Variants in CCNY observed in about 807,000 individuals in gnomAD.
The protein encoded by CCNY is cyclin-Y.
In CCNY, 19 loss-of-function variants were observed where a neutral mutation model predicts 42.8. That is an observed-to-expected ratio of 0.44 (90% CI 0.31 to 0.65). The LOEUF (loss-of-function observed/expected upper bound fraction) is 0.65, where lower values mean the gene tolerates loss of function less well. Among genes scored for constraint, CCNY ranks in the 30% least tolerant of loss-of-function variants. The probability of loss-of-function intolerance (pLI) is 0.07; values close to 1 mark genes in which losing one functional copy is unlikely to be tolerated. For synonymous variants in CCNY, 165 were observed against 162.7 expected (o/e 1.01, Z -0.11); for missense variants, 370 against 437.3 (o/e 0.85, Z 1.37).
At chr10:35,399,407 C>T (rs1258745293) in intron 1 of CCNY, among the ~76,000 whole-genome samples, 1 of 152,122 alleles carries the variant, frequency 6.6e-6, no homozygotes, top group African/African-American at 2.4e-5. Context: ...TACTCCACCA[C>T]AGAATTTGGG....
intron 1 of CCNY, among the ~76,000 whole-genome samples, chr10:35,352,310 A>G (rs746088608): frequency 3.3e-5 from 5 of 152,234 alleles, no homozygotes; most frequent in Non-Finnish European, 5.9e-5. Context: ...TTAAGCTAAC[A>G]TTTGTAGCAA....
intron 1 of CCNY, among the ~76,000 whole-genome samples, chr10:35,432,120 AT>A (rs1277744493): frequency 6.6e-6 from 1 of 152,192 alleles, no homozygotes; most frequent in East Asian, 1.9e-4. Context: ...TTTTATTAGT[AT>A]AAGCTAACCC....
In CCNY at chr10:35,548,565, G is replaced by A. The variant is rs140298715; in HGVS notation, c.580-4454G>A. ...CCCACCTTGGCCTCCCGACGTGCTG[G>A]GATTACAGGCTTGAGCCACCGCACC... is the stretch of plus-strand genomic sequence containing the variant. On this transcript the variant is annotated intron_variant, in intron 7 of 9. Transcript: ENST00000374704. Among the ~76,000 whole-genome samples, 340 of 152,114 alleles carry A rather than the reference G, an allele frequency of 2.2e-3. 1 individual carries two copies. Among genetic ancestry groups the A allele is most frequent in the African/African-American group, 7.7e-3 (320 of 41,474 alleles).
chr10:35,496,154 T>C (rs1420803315), intron 2 of CCNY, among the ~76,000 whole-genome samples: 2 of 152,258 alleles, frequency 1.3e-5, no homozygotes, highest in Non-Finnish European at 2.9e-5. Context: ...AGTTGAAGCC[T>C]GCCTCTTGTG....
intron 3 of CCNY, among the ~76,000 whole-genome samples, chr10:35,255,733 C>G (rs1304338806): frequency 3.4e-5 from 5 of 149,176 alleles, no homozygotes; most frequent in Non-Finnish European, 6.0e-5. Flanking sequence ...TAGCTGGGAC[C>G]ACATGCATGT....
chr10:35,533,380 G>C (rs1313329425), intron 7 of CCNY, among the ~76,000 whole-genome samples: 1 of 152,132 alleles, frequency 6.6e-6, no homozygotes, highest in African/African-American at 2.4e-5. Flanking sequence ...AAGCCCTTAT[G>C]TTACTGACGG....
chr10:35,296,578 CA>C (rs773472946), intron 3 of CCNY, among the ~76,000 whole-genome samples: 1 of 150,136 alleles, frequency 6.7e-6, no homozygotes, highest in Non-Finnish European at 1.5e-5. Flanking sequence ...GAGACTCTGT[CA>C]GAAAAAAAAG....
chr10:35,488,570 T>C lies in CCNY; in HGVS notation c.229+5092T>C, dbSNP rs1839834743. Among the ~76,000 whole-genome samples the C allele has an allele frequency of 2.0e-5, 3 of 152,238 alleles. 1 individual carries two copies. In the South Asian group the frequency reaches 6.2e-4, roughly 31 times the overall value. ...CTCCTTCAGGGCATGTCAAGTGCCA[T>C]AGGGAAGACCTAAGCTTACACCAGT... On this transcript the variant is annotated intron_variant, in intron 2 of 9. Coordinates refer to ENST00000374704, the MANE Select transcript of CCNY (RefSeq NM_145012.6).
intron 3 of CCNY, among the ~76,000 whole-genome samples, chr10:35,254,369 GA>G (rs917678474): frequency 7.9e-5 from 12 of 151,954 alleles, no homozygotes; most frequent in African/African-American, 2.7e-4. Flanking sequence ...CTGTTTTAGT[GA>G]AAAAAATTAT....
intron 1 of CCNY, among the ~76,000 whole-genome samples, chr10:35,364,949 G>C (rs1640111340): frequency 6.6e-6 from 1 of 152,160 alleles, no homozygotes; most frequent in Admixed American, 6.5e-5. Flanking sequence ...AGCTCACCAT[G>C]TATATGCTTT....
chr10:35,426,261 A>G (rs1838272037), intron 1 of CCNY, among the ~76,000 whole-genome samples: 1 of 151,976 alleles, frequency 6.6e-6, no homozygotes, highest in Non-Finnish European at 1.5e-5. Flanking sequence ...ACAAACACAC[A>G]AACACACACA....
intron 5 of CCNY, among the ~76,000 whole-genome samples, chr10:35,528,141 T>G (rs1187702178): frequency 6.6e-6 from 1 of 152,180 alleles, no homozygotes; most frequent in African/African-American, 2.4e-5. Flanking sequence ...GGCCAGGTTC[T>G]GTCTCTCCTG....
At chr10:35,392,944 A>C (rs187715216) in intron 1 of CCNY, among the ~76,000 whole-genome samples, 4 of 152,206 alleles carry the variant, frequency 2.6e-5, no homozygotes, top group Admixed American at 2.6e-4. Flanking sequence ...CTGCTAAGTC[A>C]GTTTAGCTAC....
intron 1 of CCNY, among the ~76,000 whole-genome samples, chr10:35,376,646 C>T (rs1837057955): frequency 6.6e-6 from 1 of 152,176 alleles, no homozygotes; most frequent in African/African-American, 2.4e-5. Flanking sequence ...CCGAAAAAGC[C>T]TTTAATCCAG....
intron 1 of CCNY, among the ~76,000 whole-genome samples, chr10:35,465,938 A>AGAGAGAGAGGGTGT: frequency 3.7e-5 from 3 of 80,960 alleles, no homozygotes; most frequent in Admixed American, 1.3e-4. Flanking sequence ...AGAGAGAGAG[A>AGAGAGAGAGGGTGT]GTGTGTGTGT....
At position 35,301,564 on chromosome 10, in the gene CCNY, T is replaced by C. The variant is rs565700749; in HGVS notation, c.-9+50938T>C. Among the ~76,000 whole-genome samples the C allele has an allele frequency of 4.6e-5, 7 of 152,320 alleles. No individual in the cohort carries two copies. In the South Asian group the frequency reaches 8.3e-4, roughly 18 times the overall value. ...CTTACTCCCTGAACACATGGGATATTTGAGCCTGACAAATTAGCAGTCTTT... is the reference window on the plus strand; with the variant it reads ...CTTACTCCCTGAACACATGGGATATCTGAGCCTGACAAATTAGCAGTCTTT... On this transcript the variant is annotated intron_variant, in intron 3 of 11. Coordinates refer to the CCNY transcript ENST00000374706.
chr10:35,384,316 A>G (rs1837256702), intron 1 of CCNY, among the ~76,000 whole-genome samples: 1 of 152,194 alleles, frequency 6.6e-6, no homozygotes, highest in African/African-American at 2.4e-5. Flanking sequence ...TGAAGGGGAA[A>G]GAGGGTAGGG....
At chr10:35,568,796 G>A (rs887446405) in intron 9 of CCNY, among the ~76,000 whole-genome samples, 5 of 152,244 alleles carry the variant, frequency 3.3e-5, no homozygotes, top group Admixed American at 6.5e-5. Context: ...TGGTCGGGCC[G>A]ACTGTGAGGT....
intron 1 of CCNY, among the ~76,000 whole-genome samples, chr10:35,423,343 C>T (rs964254944): frequency 2.0e-5 from 3 of 151,962 alleles, no homozygotes; most frequent in East Asian, 1.9e-4. Flanking sequence ...GGCATGGTGA[C>T]GCGCACCTGT....
Sources: allele counts gnomAD v4.1 joint callset (sites outside exome capture counted in the v4.1 genomes callset), GRCh38; gene constraint gnomAD v4.1.1; transcripts MANE v1.5; gene names NCBI Gene and HGNC (gene_info 2026-07-23, HGNC 2026-07-21).